CRYBG3: variants seen among roughly 807,000 people sequenced by gnomAD.
The protein encoded by CRYBG3 is very large A-kinase anchor protein.
A neutral mutation model predicts 244.2 loss-of-function variants in CRYBG3; 127 were observed. The observed-to-expected ratio is 0.52, with a 90% CI of 0.45 to 0.60. The LOEUF (loss-of-function observed/expected upper bound fraction) is 0.60. Among genes scored for constraint, CRYBG3 ranks in the 20% least tolerant of loss-of-function variants. The pLI, the probability that CRYBG3 is intolerant of heterozygous loss-of-function variation, is 0.00. For synonymous variants in CRYBG3, 1,132 were observed against 1,195.8 expected (o/e 0.95, Z 1.10); for missense variants, 3,325 against 3,442.5 (o/e 0.97, Z 0.85).
chr3:97,827,785 A>T (rs200139020), intron 1 of CRYBG3, among the ~76,000 whole-genome samples: 1 of 49,272 alleles, frequency 2.0e-5, no homozygotes, highest in Non-Finnish European at 6.1e-5. Context: ...TAGGTAATCA[A>T]AAGTCTCACA....
Position 97,899,010 on chromosome 3 carries a change from A to T in CRYBG3, c.7829A>T (p.His2610Leu). Residue 2610 changes from histidine to leucine, a missense_variant, in exon 13 of 22, where the codon CAT becomes CTT. This residue lies in a region of CRYBG3 where 714 missense variants were observed against 803.6 expected (regional missense o/e 0.89). Coordinates refer to ENST00000389622, the MANE Select transcript of CRYBG3 (RefSeq NM_153605.4). ...TTTGGCAGTAAAACAAGATCCATTC[A>T]TGTTAAAAGTGGAGTGTAAGTTGCC... The part of the protein sequence containing the change: ...IGFGSKTRSI[H>L]VKSGVWVAYQ... 1 of 1,611,376 alleles carries T rather than the reference A, an allele frequency of 6.2e-7. No homozygotes were observed. The highest frequency in any genetic ancestry group is 8.5e-7 in the Non-Finnish European group (1 of 1,179,170).
In CRYBG3 at chr3:97,881,229, G is replaced by A; in HGVS notation, c.7152+10G>A. 1 of 1,558,684 alleles carries A rather than the reference G, an allele frequency of 6.4e-7. No individual in the cohort carries two copies. Among genetic ancestry groups the A allele is most frequent in the Non-Finnish European group, 8.7e-7 (1 of 1,153,156 alleles). Reference sequence around the variant, plus strand: ...CAAACGTGTCTTAAAGGTAACAACTGTAGATTTTTCTATTTTTTATTTGAT... The same window carrying A: ...CAAACGTGTCTTAAAGGTAACAACTATAGATTTTTCTATTTTTTATTTGAT... On this transcript the variant is annotated intron_variant, in intron 7 of 21. Coordinates refer to ENST00000389622, the MANE Select transcript of CRYBG3 (RefSeq NM_153605.4).
At chr3:97,861,432 T>C (rs941324892) in intron 2 of CRYBG3, among the ~76,000 whole-genome samples, 18 of 152,158 alleles carry the variant, frequency 1.2e-4, no homozygotes, top group African/African-American at 3.6e-4. Context: ...CAGCTAAATC[T>C]TATTAATCAG....
chr3:97,910,062 G>A (rs1414850956), intron 15 of CRYBG3, among the ~76,000 whole-genome samples: 1 of 151,710 alleles, frequency 6.6e-6, no homozygotes, highest in Admixed American at 6.5e-5. Context: ...GGCTGCTCAG[G>A]GGTCAGGGGT....
chr3:97,840,128 G>T (rs534718620), intron 1 of CRYBG3, among the ~76,000 whole-genome samples: 4 of 151,908 alleles, frequency 2.6e-5, no homozygotes, highest in African/African-American at 9.7e-5. Context: ...AGTTGATTAG[G>T]GTGGGGAAGG....
intron 2 of CRYBG3, among the ~76,000 whole-genome samples, chr3:97,859,730 T>TAC (rs943955066): frequency 4.6e-5 from 7 of 152,280 alleles, no homozygotes; most frequent in African/African-American, 1.7e-4. Context: ...TTCTCTCCTT[T>TAC]CACTTTACTG....
chr3:97,822,074 G>C lies in CRYBG3; in HGVS notation c.-133G>C, dbSNP rs1187384106. ...GCACTTCTCCTGCCCGAGAGAGACTGAGCCGCGCTGGCAGCTCGCGTCGAG... is the reference window on the plus strand; with the variant it reads ...GCACTTCTCCTGCCCGAGAGAGACTCAGCCGCGCTGGCAGCTCGCGTCGAG... On this transcript the variant is annotated 5_prime_UTR_variant, in exon 1 of 22. Coordinates refer to ENST00000389622, the MANE Select transcript of CRYBG3 (RefSeq NM_153605.4). The C allele has an allele frequency of 1.7e-5, 12 of 699,862 alleles. No homozygotes were observed. In the East Asian group the frequency reaches 4.1e-4, roughly 24 times the overall value. 43.4% of individuals were successfully genotyped at this position (699,862 alleles called of 1,614,324 possible).
chr3:97,830,983 T>G (rs754050835), intron 1 of CRYBG3, among the ~76,000 whole-genome samples: 1 of 152,148 alleles, frequency 6.6e-6, no homozygotes, highest in Non-Finnish European at 1.5e-5. Flanking sequence ...TCCTGCCAAA[T>G]GTTATAATTT....
intron 2 of CRYBG3, among the ~76,000 whole-genome samples, chr3:97,857,665 T>C (rs188042218): frequency 3.3e-5 from 5 of 152,220 alleles, no homozygotes; most frequent in Admixed American, 2.0e-4. Flanking sequence ...TCCATTTGTA[T>C]GGAATGTCTT....
At chr3:97,943,089 C>T in intron 21 of CRYBG3, 137 bp from the exon 22 acceptor site, 1 of 606,000 alleles carries the variant, frequency 1.7e-6, no homozygotes, top group East Asian at 2.8e-5. Context: ...TCAAACTCAG[C>T]TTCCCATTTC....
intron 17 of CRYBG3, among the ~76,000 whole-genome samples, chr3:97,917,230 T>G (rs966708613): frequency 6.9e-6 from 1 of 145,006 alleles, no homozygotes; most frequent in Non-Finnish European, 1.6e-5. Context: ...ATGAAAAATT[T>G]GGGATGAAAA....
At chr3:97,882,499 A>T (rs1474100529) in intron 7 of CRYBG3, among the ~76,000 whole-genome samples, 1 of 152,110 alleles carries the variant, frequency 6.6e-6, no homozygotes, top group Non-Finnish European at 1.5e-5. Flanking sequence ...AATATAATAA[A>T]ATATTTTGTA....
rs1296213118 is a variant in CRYBG3 at position 97,876,894 on chromosome 3, T to C, written c.5700T>C (p.Ala1900=). 2 of 1,437,108 alleles carry C rather than the reference T, an allele frequency of 1.4e-6. No individual in the cohort carries two copies. The highest frequency in any genetic ancestry group is 1.4e-5 in the African/African-American group (1 of 69,890). 89.0% of individuals were successfully genotyped at this position (1,437,108 alleles called of 1,614,324 possible). A position where few individuals can be genotyped will look rare whatever the true frequency, so the allele number is the denominator to read the frequency against. Residue 1900 remains alanine, a synonymous_variant, in exon 4 of 22, where the codon GCT becomes GCC. Coordinates refer to ENST00000389622, the MANE Select transcript of CRYBG3 (RefSeq NM_153605.4). Reference sequence around the variant, plus strand: ...AAAGTAAAACACCACAAGAGTATGCTGAAGGGAGTGTTGAAGAAACAAAGG... The same window carrying C: ...AAAGTAAAACACCACAAGAGTATGCCGAAGGGAGTGTTGAAGAAACAAAGG... The part of the protein sequence containing the change: ...AFESKTPQEY[A]EGSVEETKEE...
chr3:97,876,791 T>C lies in CRYBG3; in HGVS notation c.5597T>C (p.Val1866Ala). The part of the protein sequence containing the change: ...NIGKHKVLPA[V>A]VDIEKIHGTG... Reference sequence around the variant, plus strand: ...GGGAAACACAAAGTGTTACCCGCAGTGGTAGACATTGAGAAAATACATGGA... The same window carrying C: ...GGGAAACACAAAGTGTTACCCGCAGCGGTAGACATTGAGAAAATACATGGA... Residue 1866 changes from valine (V) to alanine (A), a missense_variant, in exon 4 of 22, where the codon GTG (valine) becomes GCG (alanine). Val to Ala is a moderately conservative substitution (Grantham distance 64). Around this residue, in one of 4 missense-constraint regions of CRYBG3, gnomAD observed 635 missense variants for 771.7 expected, o/e 0.82. Transcript: ENST00000389622. 7.8e-7 allele frequency: 1 copy of C among 1,289,510 alleles called. No homozygotes were observed. Among genetic ancestry groups the C allele is most frequent in the Middle Eastern group, 2.9e-4 (1 of 3,394 alleles). The allele number at this position is 1,289,510 out of a possible 1,614,324, so 79.9% of individuals were successfully genotyped here.
At chr3:97,901,892 T>G (rs2039710520) in intron 15 of CRYBG3, among the ~76,000 whole-genome samples, 1 of 152,170 alleles carries the variant, frequency 6.6e-6, no homozygotes, top group Admixed American at 6.6e-5. Flanking sequence ...TTTTTCTGGG[T>G]ATGGCTAAGT....
chr3:97,827,036 T>A (rs2038587207), intron 1 of CRYBG3, among the ~76,000 whole-genome samples: 1 of 152,244 alleles, frequency 6.6e-6, no homozygotes, highest in Admixed American at 6.5e-5. Context: ...AACATGATAG[T>A]AACTGCACCA....
intron 2 of CRYBG3, 90 bp downstream of exon 2, chr3:97,843,351 T>G: frequency 1.3e-6 from 1 of 755,234 alleles, no homozygotes; most frequent in Non-Finnish European, 2.1e-6. Flanking sequence ...ATTTTACATT[T>G]CAAAAAGAAC....
Position 97,891,610 on chromosome 3 carries a change from T to G in CRYBG3, c.7441-1250T>G, listed in dbSNP as rs935274201. The stretch of plus-strand genomic sequence containing the variant: ...AGTTCACCCTAAAGAACTGAGGGTC[T>G]TGCAAATTAACTATGTCAATGCAGT... On this transcript the variant is annotated intron_variant, in intron 10 of 21. Transcript: ENST00000389622. Among the ~76,000 whole-genome samples, 3 of 152,198 alleles carry G rather than the reference T, an allele frequency of 2.0e-5. No homozygotes were observed. In the East Asian group the frequency reaches 5.8e-4, roughly 29 times the overall value.
chr3:97,880,738 A>G (rs1210002304), intron 6 of CRYBG3, among the ~76,000 whole-genome samples: 1 of 152,228 alleles, frequency 6.6e-6, no homozygotes, highest in Non-Finnish European at 1.5e-5. Flanking sequence ...TATAATTTGG[A>G]ATTGTTGCAC....
Sources: gnomAD v4.1 joint callset for allele counts (sites outside exome capture counted in the v4.1 genomes callset) on GRCh38, gnomAD v4.1.1 for gene constraint, gnomAD v4.1.1 regional missense constraint, MANE v1.5 for transcripts, NCBI Gene and HGNC (gene_info 2026-07-23, HGNC 2026-07-21) for gene names.